The following ADGRB3 variants were observed in gnomAD, a reference collection of about 807,000 sequenced individuals.
The protein encoded by ADGRB3 is brain-specific angiogenesis inhibitor 3.
Under a neutral mutation model 193.4 loss-of-function variants are expected in ADGRB3, and 37 were observed. The ratio of observed to expected loss-of-function variants is 0.19; its 90% CI spans 0.15 to 0.25. The LOEUF (loss-of-function observed/expected upper bound fraction) is 0.25. ADGRB3 is among the 10% of genes least tolerant of loss of function. ADGRB3 has a pLI of 1.00. For missense variants in ADGRB3, 1,637 were observed against 1,852.9 expected (o/e 0.88, Z 2.14); for synonymous variants, 690 against 644.2 (o/e 1.07, Z -1.08).
chr6:69,339,393 G>A lies in ADGRB3; in HGVS notation c.3348G>A (p.Ala1116=), dbSNP rs188479310. The A allele has an allele frequency of 5.0e-5, 80 of 1,613,788 alleles. No individual in the cohort carries two copies. The highest frequency in any genetic ancestry group is 5.8e-5 in the Non-Finnish European group (69 of 1,179,910). ...TTCTGGCTTTGACGTGGATGTCTGCGGTTCTGGCCATGACAGATAAACGCT... is the reference window on the plus strand; with the variant it reads ...TTCTGGCTTTGACGTGGATGTCTGCAGTTCTGGCCATGACAGATAAACGCT... ...LPLLALTWMS[A]VLAMTDKRSI... Residue 1116 remains alanine (A), a synonymous_variant, in exon 26 of 32, where the codon GCG becomes GCA. Coordinates refer to ENST00000370598, the MANE Select transcript of ADGRB3 (RefSeq NM_001704.3).
intron 17 of ADGRB3, among the ~76,000 whole-genome samples, chr6:69,096,638 C>T (rs190999513): frequency 1.4e-4 from 22 of 152,220 alleles, no homozygotes; most frequent in African/African-American, 5.3e-4. Context: ...TTGTGCTTAA[C>T]TTTTTTTCTT....
chr6:69,357,317 T>G (rs1461753351), intron 28 of ADGRB3, among the ~76,000 whole-genome samples: 2 of 152,094 alleles, frequency 1.3e-5, no homozygotes, highest in East Asian at 3.9e-4. Context: ...ATCCCCAGTC[T>G]TATTTGTAAA....
intron 3 of ADGRB3, among the ~76,000 whole-genome samples, chr6:68,925,383 C>T (rs552128704): frequency 1.1e-4 from 16 of 152,008 alleles, no homozygotes; most frequent in African/African-American, 3.6e-4. Context: ...AATTTATATT[C>T]CTGCCTAAAT....
intron 3 of ADGRB3, among the ~76,000 whole-genome samples, chr6:68,735,354 A>G (rs1046986381): frequency 5.3e-5 from 8 of 151,998 alleles, no homozygotes; most frequent in African/African-American, 1.9e-4. Context: ...AATTTTCTAC[A>G]ATAGAGAATA....
intron 3 of ADGRB3, among the ~76,000 whole-genome samples, chr6:68,714,074 T>C (rs1765451587): frequency 6.6e-6 from 1 of 151,808 alleles, no homozygotes; most frequent in Non-Finnish European, 1.5e-5. Flanking sequence ...TTTGGCAACA[T>C]ACAATCCAAG....
At chr6:69,299,217 T>C (rs920876636) in intron 20 of ADGRB3, among the ~76,000 whole-genome samples, 2 of 151,982 alleles carry the variant, frequency 1.3e-5, no homozygotes, top group African/African-American at 4.8e-5. Flanking sequence ...TTTTTTTCAC[T>C]TTAATTGGAT....
intron 17 of ADGRB3, among the ~76,000 whole-genome samples, chr6:69,224,593 C>T (rs1765969631): frequency 6.6e-6 from 1 of 152,106 alleles, no homozygotes. Context: ...CCTACCTACA[C>T]CCAAGAACAA....
chr6:68,778,151 T>C (rs1189089334), intron 3 of ADGRB3, among the ~76,000 whole-genome samples: 1 of 152,070 alleles, frequency 6.6e-6, no homozygotes, highest in Non-Finnish European at 1.5e-5. Context: ...GCAAATGACA[T>C]TGTCTTGGAG....
At chr6:68,689,359 A>G (rs997876833) in intron 3 of ADGRB3, among the ~76,000 whole-genome samples, 2 of 152,118 alleles carry the variant, frequency 1.3e-5, no homozygotes, top group Non-Finnish European at 2.9e-5. Context: ...GTTGCTGCTA[A>G]TATGAGCTAG....
intron 13 of ADGRB3, among the ~76,000 whole-genome samples, chr6:69,030,981 C>CTTTTTTTTTCTTTTT (rs1770635515): frequency 1.6e-5 from 1 of 61,414 alleles, no homozygotes; most frequent in African/African-American, 7.6e-5. Context: ...CTTTTCTTTT[C>CTTTTTTTTTCTTTTT]TTTTCTTTTC....
intron 3 of ADGRB3, among the ~76,000 whole-genome samples, chr6:68,701,219 A>G (rs908193216): frequency 6.6e-6 from 1 of 152,202 alleles, no homozygotes; most frequent in African/African-American, 2.4e-5. Context: ...TAAATCTCGC[A>G]GTGTTGAAAA....
intron 10 of ADGRB3, among the ~76,000 whole-genome samples, chr6:68,978,257 G>C (rs2150267234): frequency 6.6e-6 from 1 of 151,496 alleles, no homozygotes; most frequent in Admixed American, 6.6e-5. Flanking sequence ...AATTTGAGCT[G>C]TACCTGTAGA....
intron 20 of ADGRB3, among the ~76,000 whole-genome samples, chr6:69,284,225 C>G (rs1217271795): frequency 6.6e-6 from 1 of 152,028 alleles, no homozygotes; most frequent in Non-Finnish European, 1.5e-5. Flanking sequence ...CTTTGTTGCC[C>G]CTCATCCCCT....
intron 26 of ADGRB3, among the ~76,000 whole-genome samples, chr6:69,342,020 A>C (rs1768984991): frequency 6.6e-6 from 1 of 152,250 alleles, no homozygotes; most frequent in East Asian, 1.9e-4. Flanking sequence ...CTAATTATCA[A>C]ATGTTTGCTG....
At chr6:69,188,577 G>T (rs146275266) in intron 17 of ADGRB3, among the ~76,000 whole-genome samples, 2 of 152,114 alleles carry the variant, frequency 1.3e-5, no homozygotes, top group Non-Finnish European at 2.9e-5. Context: ...CCAAAGTGCT[G>T]GTATTAAAGG....
At chr6:69,169,031 T>C (rs537670399) in intron 17 of ADGRB3, among the ~76,000 whole-genome samples, 4 of 152,222 alleles carry the variant, frequency 2.6e-5, no homozygotes, top group Admixed American at 1.3e-4. Flanking sequence ...CTTTTTCCAA[T>C]GATGTAATGA....
chr6:69,033,537 A>G (rs1466004302), intron 13 of ADGRB3, among the ~76,000 whole-genome samples: 1 of 152,198 alleles, frequency 6.6e-6, no homozygotes, highest in East Asian at 1.9e-4. Flanking sequence ...TTGCAATGCA[A>G]TTAAATTTTC....
chr6:68,979,142 A>G (rs1392023617), intron 10 of ADGRB3, among the ~76,000 whole-genome samples: 2 of 98,634 alleles, frequency 2.0e-5, no homozygotes, highest in Non-Finnish European at 4.2e-5. Flanking sequence ...TCATTGCTAT[A>G]GTCCTAACAT....
intron 3 of ADGRB3, among the ~76,000 whole-genome samples, chr6:68,917,447 A>G (rs1368952656): frequency 1.3e-5 from 2 of 152,142 alleles, no homozygotes; most frequent in East Asian, 3.8e-4. Flanking sequence ...TCTTTCTTCT[A>G]CATGATAAGT....
Sources: gnomAD v4.1 joint callset for allele counts (sites outside exome capture counted in the v4.1 genomes callset) on GRCh38, gnomAD v4.1.1 for gene constraint, MANE v1.5 for transcripts, NCBI Gene and HGNC (gene_info 2026-07-23, HGNC 2026-07-21) for gene names.